ATL2: variants seen among roughly 807,000 people sequenced by gnomAD.
ATL2 encodes the protein atlastin-2.
ATL2 carries 31 observed loss-of-function variants against 73.9 expected under a neutral mutation model. The ratio of observed to expected loss-of-function variants is 0.42; its 90% CI spans 0.32 to 0.57. The LOEUF (loss-of-function observed/expected upper bound fraction) is 0.57. ATL2 is among the 20% of genes least tolerant of loss of function. The pLI is 0.14. For synonymous variants in ATL2, 291 were observed against 237.5 expected, an observed-to-expected ratio of 1.23 and a Z score of -2.07; for missense variants, 738 against 702.6, an observed-to-expected ratio of 1.05 and a Z score of -0.57.
intron 2 of ATL2, among the ~76,000 whole-genome samples, chr2:38,341,336 G>A (rs545569167): frequency 1.3e-5 from 2 of 152,088 alleles, no homozygotes; most frequent in Non-Finnish European, 2.9e-5. Flanking sequence ...TCTAGATCAA[G>A]TCTAAATAGG....
At chr2:38,301,249 C>T (rs903221007) in intron 9 of ATL2, among the ~76,000 whole-genome samples, 1 of 152,186 alleles carries the variant, frequency 6.6e-6, no homozygotes, top group Admixed American at 6.5e-5. Flanking sequence ...GGATTACAGG[C>T]ATAAGCCACC....
chr2:38,325,237 G>GA (rs1418938092), intron 2 of ATL2, among the ~76,000 whole-genome samples: 1 of 152,138 alleles, frequency 6.6e-6, no homozygotes, highest in Non-Finnish European at 1.5e-5. Flanking sequence ...TTAGCAAACT[G>GA]AAAAATCAAT....
chr2:38,354,798 G>A lies in ATL2; in HGVS notation c.119-11286C>T, dbSNP rs143185209. 1.6e-3 allele frequency among the ~76,000 whole-genome samples: 236 copies of A among 152,252 alleles called. 1 individual carries two copies. The highest frequency in any genetic ancestry group is 0.014 in the Middle Eastern group (4 of 294). ...CCAGTTACTCGGGAAGCTGAGGCAG[G>A]AGAATCCCTTTAACCCAGGAGGCGG... On this transcript the variant is annotated intron_variant, in intron 1 of 12. Transcript: ENST00000378954.
intron 1 of ATL2, among the ~76,000 whole-genome samples, chr2:38,372,844 T>C (rs1478418978): frequency 6.6e-6 from 1 of 152,218 alleles, no homozygotes; most frequent in African/African-American, 2.4e-5. Context: ...ACAATAACCC[T>C]ATCATGAACA....
chr2:38,372,480 G>C (rs1403323006), intron 1 of ATL2, among the ~76,000 whole-genome samples: 1 of 152,060 alleles, frequency 6.6e-6, no homozygotes, highest in Non-Finnish European at 1.5e-5. Context: ...ATCAGAGGGA[G>C]GTTCTGGAAC....
chr2:38,309,558 C>T (rs1558394046), intron 8 of ATL2, 52 bp from the exon 9 acceptor site: 2 of 1,538,088 alleles, frequency 1.3e-6, no homozygotes, highest in East Asian at 2.3e-5. Flanking sequence ...ATTAGGTCCC[C>T]ACTGGTACGA....
At chr2:38,340,824 A>G (rs976183338) in intron 2 of ATL2, among the ~76,000 whole-genome samples, 1 of 152,240 alleles carries the variant, frequency 6.6e-6, no homozygotes, top group Admixed American at 6.5e-5. Flanking sequence ...AAGGTGATTT[A>G]TATCAGGAAT....
intron 2 of ATL2, among the ~76,000 whole-genome samples, chr2:38,335,221 G>A (rs557133882): frequency 1.3e-5 from 2 of 151,780 alleles, no homozygotes; most frequent in South Asian, 4.2e-4. Context: ...ATTTCCCCCT[G>A]TGACCCAGCA....
intron 8 of ATL2, 29 bp from the exon 9 acceptor site, chr2:38,309,535 T>G: frequency 6.3e-7 from 1 of 1,594,970 alleles, no homozygotes. Context: ...AGCAACATAT[T>G]AGTCCAAAAA....
chr2:38,343,195 T>C, intron 2 of ATL2, 73 bp downstream of exon 2: 4 of 1,207,070 alleles, frequency 3.3e-6, no homozygotes, highest in Non-Finnish European at 3.4e-6. Flanking sequence ...GTTCTGGTTT[T>C]TGTCTATTTT....
At chr2:38,352,691 T>C (rs2086628966) in intron 1 of ATL2, among the ~76,000 whole-genome samples, 2 of 152,220 alleles carry the variant, frequency 1.3e-5, no homozygotes, top group African/African-American at 2.4e-5. Context: ...TTTGGAGTTC[T>C]GGCCCAGCCA....
intron 2 of ATL2, among the ~76,000 whole-genome samples, chr2:38,332,906 G>A (rs1461498415): frequency 6.6e-6 from 1 of 152,158 alleles, no homozygotes; most frequent in East Asian, 1.9e-4. Context: ...AAGAAATTCT[G>A]AAGCCAGGCT....
At chr2:38,318,766 C>T (rs1668165015) in intron 3 of ATL2, 119 bp downstream of exon 3, 1 of 1,337,892 alleles carries the variant, frequency 7.5e-7, no homozygotes. Flanking sequence ...ATACATTTGA[C>T]ATAATAATCC....
Position 38,343,486 on chromosome 2 carries a change from C to T in ATL2, c.145G>A (p.Val49Ile). The part of the protein sequence containing the change: ...LGENYEDDDL[V>I]NSDEVMKKPC... ...TTCTTCATAACCTCATCAGAATTTA[C>T]TAGGTCATCATCTTCATAATTCTCA... Residue 49 changes from valine (V) to isoleucine (I), a missense_variant, in exon 2 of 13, where the codon GTA (valine) becomes ATA (isoleucine). Val to Ile is a conservative substitution (Grantham distance 29). Transcript: ENST00000378954. 2 of 1,607,336 alleles carry T rather than the reference C, an allele frequency of 1.2e-6. No individual in the cohort carries two copies. Among genetic ancestry groups the T allele is most frequent in the Non-Finnish European group, 1.7e-6 (2 of 1,175,982 alleles).
chr2:38,374,666 T>A (rs1484947750), intron 1 of ATL2, among the ~76,000 whole-genome samples: 1 of 152,258 alleles, frequency 6.6e-6, no homozygotes, highest in African/African-American at 2.4e-5. Context: ...CATCTTGCTA[T>A]GAAGTCCCAA....
intron 2 of ATL2, among the ~76,000 whole-genome samples, chr2:38,332,883 A>G (rs184367160): frequency 6.6e-6 from 1 of 152,314 alleles, no homozygotes; most frequent in Non-Finnish European, 1.5e-5. Context: ...AAGGAAAGAA[A>G]TTTGTGAGAA....
In ATL2 at chr2:38,310,256, C is replaced by G. The variant is rs1667674094; in HGVS notation, c.943+53G>C. On this transcript the variant is annotated intron_variant, in intron 8 of 12. Coordinates refer to ENST00000378954, the MANE Select transcript of ATL2 (RefSeq NM_001135673.4). ...AGGCGTCATGTATTTTCTTAAAAAACTTTCCACCTCTAATAAATAAGTTCA... is the reference window on the plus strand; with the variant it reads ...AGGCGTCATGTATTTTCTTAAAAAAGTTTCCACCTCTAATAAATAAGTTCA... 6.3e-6 allele frequency: 10 copies of G among 1,587,398 alleles called. No homozygotes were observed. The Admixed American group carries it at 9.1e-5, about 15-fold the overall frequency.
intron 1 of ATL2, chr2:38,376,190 A>T: frequency 6.6e-7 from 1 of 1,521,760 alleles, no homozygotes; most frequent in Admixed American, 2.1e-5. Flanking sequence ...CAAAATTTTC[A>T]ATCAGGATTT....
chr2:38,345,465 T>C (rs1350642693), intron 1 of ATL2, among the ~76,000 whole-genome samples: 1 of 152,222 alleles, frequency 6.6e-6, no homozygotes, highest in African/African-American at 2.4e-5. Flanking sequence ...CCTTTAACTG[T>C]ATATAGCAAA....
Sources: allele counts gnomAD v4.1 joint callset (sites outside exome capture counted in the v4.1 genomes callset), GRCh38; gene constraint gnomAD v4.1.1; transcripts MANE v1.5; gene names NCBI Gene and HGNC (gene_info 2026-07-23, HGNC 2026-07-21).